LRRC69: variants seen among roughly 807,000 people sequenced by gnomAD.
LRRC69 encodes the protein leucine-rich repeat-containing protein 69.
Under a neutral mutation model 37.8 loss-of-function variants are expected in LRRC69, and 42 were observed. The ratio of observed to expected loss-of-function variants is 1.11; its 90% CI spans 0.87 to 1.44. The LOEUF is 1.44. Among genes scored for constraint, LRRC69 ranks in the 40% most tolerant of loss-of-function variants. The pLI is 0.00. For missense variants in LRRC69, 357 were observed against 401.9 expected, an observed-to-expected ratio of 0.89 and a Z score of 0.96; for synonymous variants, 141 against 143.1, an observed-to-expected ratio of 0.99 and a Z score of 0.11.
At chr8:91,152,349 C>G (rs1808756199) in intron 5 of LRRC69, among the ~76,000 whole-genome samples, 1 of 151,722 alleles carries the variant, frequency 6.6e-6, no homozygotes, top group African/African-American at 2.4e-5. Flanking sequence ...CCACATATGG[C>G]TAGCCAGTTT....
rs917886972 is a variant in LRRC69, at chr8:91,149,089, T to G, written c.651+13350T>G. Among the ~76,000 whole-genome samples, 45 of 151,902 alleles carry G rather than the reference T, an allele frequency of 3.0e-4. 2 individuals carry two copies. The highest frequency in any genetic ancestry group is 1.6e-4 in the Non-Finnish European group (11 of 67,934). ...CTGTGCAGAAGCTCTTTAGTTTAAT[T>G]AGATCCCATTTGTCAATTTTGGCTT... is the stretch of plus-strand genomic sequence containing the variant. On this transcript the variant is annotated intron_variant, in intron 5 of 7. Transcript: ENST00000448384.
chr8:91,183,682 C>T (rs72666046), intron 5 of LRRC69, among the ~76,000 whole-genome samples: 5,804 of 151,702 alleles, frequency 0.038, 161 homozygotes, highest in Non-Finnish European at 0.062. Flanking sequence ...TATTTCATGA[C>T]TGGGCAAAGA....
intron 1 of LRRC69, chr8:91,118,351 CAA>C (rs10525965): frequency 1.0e-5 from 1 of 99,764 alleles, no homozygotes; most frequent in African/African-American, 7.6e-5. Flanking sequence ...ACTAAAAATG[CAA>C]AAAAAAAAAA....
chr8:91,123,309 G>A (rs1343601224), intron 1 of LRRC69, among the ~76,000 whole-genome samples: 1 of 151,996 alleles, frequency 6.6e-6, no homozygotes, highest in Non-Finnish European at 1.5e-5. Flanking sequence ...GGATAAAATA[G>A]CTACATGAAT....
At chr8:91,128,761 A>G (rs1489270742) in intron 3 of LRRC69, among the ~76,000 whole-genome samples, 1 of 152,018 alleles carries the variant, frequency 6.6e-6, no homozygotes, top group Non-Finnish European at 1.5e-5. Flanking sequence ...TTTTTATTCT[A>G]GCTTCTTTCT....
At chr8:91,143,942 A>G (rs1230631729) in intron 5 of LRRC69, among the ~76,000 whole-genome samples, 1 of 151,962 alleles carries the variant, frequency 6.6e-6, no homozygotes, top group African/African-American at 2.4e-5. Flanking sequence ...CCATTACTCT[A>G]TGTCTCACTT....
At chr8:91,172,811 C>T (rs976745498) in intron 5 of LRRC69, among the ~76,000 whole-genome samples, 1 of 152,020 alleles carries the variant, frequency 6.6e-6, no homozygotes, top group South Asian at 2.1e-4. Flanking sequence ...CTGTTCCTGG[C>T]CATAAACTCT....
chr8:91,214,311 C>T (rs1809997404), intron 7 of LRRC69, among the ~76,000 whole-genome samples: 1 of 152,124 alleles, frequency 6.6e-6, no homozygotes, highest in Admixed American at 6.5e-5. Flanking sequence ...TGTTGAGTTT[C>T]AAGTGATGCC....
chr8:91,205,082 C>A (rs1809777750), intron 7 of LRRC69, among the ~76,000 whole-genome samples: 1 of 151,924 alleles, frequency 6.6e-6, no homozygotes, highest in African/African-American at 2.4e-5. Flanking sequence ...AAGAATGTAG[C>A]CTACCTAGAA....
At chr8:91,130,911 C>T (rs1190942696) in intron 3 of LRRC69, 1 of 151,960 alleles carries the variant, frequency 6.6e-6, no homozygotes, top group African/African-American at 2.4e-5. Context: ...GGGCAAGGAG[C>T]TCTCTGGGGC....
intron 5 of LRRC69, among the ~76,000 whole-genome samples, chr8:91,176,534 A>T (rs780523441): frequency 6.6e-6 from 1 of 152,142 alleles, no homozygotes; most frequent in Admixed American, 6.5e-5. Context: ...CATATTTATT[A>T]TAATAAATTG....
intron 5 of LRRC69, among the ~76,000 whole-genome samples, chr8:91,174,433 C>T (rs1233108011): frequency 6.6e-6 from 1 of 152,116 alleles, no homozygotes; most frequent in Non-Finnish European, 1.5e-5. Flanking sequence ...TTATTTAAAA[C>T]CACACTGGGC....
chr8:91,161,256 C>T (rs1563609993), intron 5 of LRRC69, among the ~76,000 whole-genome samples: 1 of 150,958 alleles, frequency 6.6e-6, no homozygotes, highest in Non-Finnish European at 1.5e-5. Flanking sequence ...TGTAGTTTTT[C>T]TTGTTGTTGT....
chr8:91,157,955 C>G (rs1174465699), intron 5 of LRRC69: 1 of 1,428,406 alleles, frequency 7.0e-7, no homozygotes, highest in Non-Finnish European at 9.9e-7. Context: ...GTTCCGTATT[C>G]CAGTGGAGAG....
intron 7 of LRRC69, among the ~76,000 whole-genome samples, chr8:91,211,670 A>G (rs953218004): frequency 7.2e-6 from 1 of 137,966 alleles, no homozygotes; most frequent in African/African-American, 2.7e-5. Context: ...AATTTTTTTT[A>G]ATTTGTTAAT....
intron 3 of LRRC69, among the ~76,000 whole-genome samples, chr8:91,128,483 G>A (rs770268911): frequency 6.6e-6 from 1 of 151,802 alleles, no homozygotes; most frequent in Non-Finnish European, 1.5e-5. Flanking sequence ...TCTATATTCT[G>A]GCCATATCCT....
intron 5 of LRRC69, among the ~76,000 whole-genome samples, chr8:91,164,237 A>C (rs892511008): frequency 1.3e-5 from 2 of 151,680 alleles, no homozygotes; most frequent in Admixed American, 6.6e-5. Flanking sequence ...AGGTATAGTG[A>C]TTAGAGGCAG....
chr8:91,120,500 C>A (rs1250565465), intron 1 of LRRC69, among the ~76,000 whole-genome samples: 1 of 152,094 alleles, frequency 6.6e-6, no homozygotes, highest in Non-Finnish European at 1.5e-5. Flanking sequence ...CCCTTCAGAG[C>A]TTTGGGGCAT....
chr8:91,208,797 G>GGT (rs1809852012), intron 7 of LRRC69, among the ~76,000 whole-genome samples: 1 of 152,126 alleles, frequency 6.6e-6, no homozygotes. Context: ...GGCATCCTCT[G>GGT]GTGTGTGATC....
Sources: gnomAD v4.1 joint callset for allele counts (sites outside exome capture counted in the v4.1 genomes callset) on GRCh38, gnomAD v4.1.1 for gene constraint, MANE v1.5 for transcripts, NCBI Gene and HGNC (gene_info 2026-07-23, HGNC 2026-07-21) for gene names.